Variants in MPRIP observed in about 807,000 individuals in gnomAD.
The protein encoded by MPRIP is myosin phosphatase Rho-interacting protein.
MPRIP carries 59 observed loss-of-function variants against 234.9 expected under a neutral mutation model. The ratio of observed to expected loss-of-function variants is 0.25; its 90% CI spans 0.20 to 0.31. The LOEUF (loss-of-function observed/expected upper bound fraction) is 0.31. MPRIP is among the 10% of genes least tolerant of loss of function. The pLI is 1.00. For synonymous variants in MPRIP, 1,144 were observed against 1,263.9 expected (o/e 0.91, Z 2.01); for missense variants, 2,436 against 3,071.0 (o/e 0.79, Z 4.89).
intron 13 of MPRIP, among the ~76,000 whole-genome samples, chr17:17,157,103 G>A (rs894496315): frequency 1.3e-5 from 2 of 152,220 alleles, no homozygotes; most frequent in Non-Finnish European, 2.9e-5. Context: ...CCAGCTGGCA[G>A]TCTGTGGGGC....
rs757269855 is a variant in MPRIP, at chr17:17,180,169, C to T, written c.7206+81C>T. 21 of 1,156,870 alleles carry T rather than the reference C, an allele frequency of 1.8e-5. No homozygotes were observed. The Admixed American group carries it at 4.0e-4, about 22-fold the overall frequency. The allele number at this position is 1,156,870 out of a possible 1,614,324, so 71.7% of individuals were successfully genotyped here. On this transcript the variant is annotated intron_variant, in intron 23 of 23. Coordinates refer to ENST00000651222, the MANE Select transcript of MPRIP (RefSeq NM_001364716.4). Reference sequence around the variant, plus strand: ...TAGCCCAAATTGAAGTATGAGTGCTCCCATGGGCCACAGCTGCCAAAGCCC... The same window carrying T: ...TAGCCCAAATTGAAGTATGAGTGCTTCCATGGGCCACAGCTGCCAAAGCCC...
At chr17:17,146,151 T>C in intron 10 of MPRIP, 59 bp downstream of exon 10, 1 of 1,506,092 alleles carries the variant, frequency 6.6e-7, no homozygotes, top group South Asian at 1.1e-5. Context: ...GAGGGTGAGC[T>C]GTCCTTGTCC....
chr17:17,084,546 C>G (rs1479568210), intron 3 of MPRIP, among the ~76,000 whole-genome samples: 1 of 152,228 alleles, frequency 6.6e-6, no homozygotes, highest in Non-Finnish European at 1.5e-5. Flanking sequence ...AGTGACAGAC[C>G]TTGATGTGTA....
rs1314920445 is a variant in MPRIP, at chr17:17,074,770, C to T, written c.124-940C>T. On this transcript the variant is annotated intron_variant, in intron 1 of 23. Coordinates refer to ENST00000651222, the MANE Select transcript of MPRIP (RefSeq NM_001364716.4). ...TTTGTGCCTGGCTTCTTTGACTTAG[C>T]ATCATGTTTTCGGGGTTCCTCGGTG... 2.6e-5 allele frequency among the ~76,000 whole-genome samples: 4 copies of T among 152,142 alleles called. 1 individual carries two copies. The highest frequency in any genetic ancestry group is 2.0e-4 in the Admixed American group (3 of 15,276).
intron 17 of MPRIP, 88 bp from the exon 18 acceptor site, chr17:17,172,610 C>T: frequency 2.1e-6 from 2 of 974,786 alleles, no homozygotes; most frequent in East Asian, 2.4e-5. Flanking sequence ...TGGCAGGCGC[C>T]ATCCCATTGT....
chr17:17,106,746 A>T (rs1422774365), intron 3 of MPRIP, among the ~76,000 whole-genome samples: 1 of 152,256 alleles, frequency 6.6e-6, no homozygotes, highest in African/African-American at 2.4e-5. Flanking sequence ...CCACTATGCC[A>T]TCATAACTGA....
At position 17,186,726 on chromosome 17, in the gene MPRIP, G is replaced by GATAT. The variant is rs2144738171; in HGVS notation, c.*1834_*1837dup. On this transcript the variant is annotated 3_prime_UTR_variant, in exon 24 of 24. Coordinates refer to ENST00000651222, the MANE Select transcript of MPRIP (RefSeq NM_001364716.4). Reference sequence around the variant, plus strand: ...AAAGCAAGGCCCCATATCAGATATAGATATACTTATCAGACCCCCCCTGAC... The same window carrying GATAT: ...AAAGCAAGGCCCCATATCAGATATAGATATATATACTTATCAGACCCCCCCTGAC... 6.6e-6 allele frequency: 1 copy of GATAT among 152,332 alleles called. No homozygotes were observed. The highest frequency in any genetic ancestry group is 1.9e-4 in the East Asian group (1 of 5,190). The allele number at this position is 152,332 out of a possible 1,614,324, so 9.4% of individuals were successfully genotyped here.
intron 13 of MPRIP, 23 bp from the exon 14 acceptor site, chr17:17,158,409 A>G (rs1190490426): frequency 5.2e-6 from 8 of 1,529,504 alleles, no homozygotes; most frequent in African/African-American, 4.2e-5. Context: ...CTGACAGGCT[A>G]TGTCCATCCT....
intron 1 of MPRIP, among the ~76,000 whole-genome samples, chr17:17,043,249 C>A (rs2088237026): frequency 6.6e-6 from 1 of 152,134 alleles, no homozygotes; most frequent in African/African-American, 2.4e-5. Flanking sequence ...TTAGTAGGAA[C>A]AAAGCGCTTA....
intron 12 of MPRIP, among the ~76,000 whole-genome samples, chr17:17,151,454 A>G (rs559272353): frequency 2.6e-5 from 4 of 152,156 alleles, no homozygotes; most frequent in Non-Finnish European, 4.4e-5. Context: ...CCGGAAGCCC[A>G]CCTGAGCCCC....
intron 3 of MPRIP, among the ~76,000 whole-genome samples, chr17:17,099,542 A>G (rs117759512): frequency 9.2e-5 from 14 of 152,226 alleles, no homozygotes; most frequent in Non-Finnish European, 2.1e-4. Context: ...CCTGGGCAAC[A>G]TAGCAAGACC....
intron 15 of MPRIP, 83 bp from the exon 16 acceptor site, chr17:17,164,026 G>A (rs1243368287): frequency 1.4e-5 from 13 of 961,092 alleles, no homozygotes; most frequent in Non-Finnish European, 1.7e-5. Context: ...GGAGCTTTCT[G>A]TGGTTGTTCC....
intron 22 of MPRIP, 72 bp downstream of exon 22, chr17:17,177,484 G>T: frequency 6.6e-7 from 1 of 1,517,258 alleles, no homozygotes; most frequent in South Asian, 1.2e-5. Context: ...GAGGTTTCCC[G>T]GTGCTTGACT....
intron 3 of MPRIP, among the ~76,000 whole-genome samples, chr17:17,081,635 G>C (rs1218475011): frequency 2.6e-5 from 4 of 152,210 alleles, no homozygotes; most frequent in African/African-American, 9.7e-5. Flanking sequence ...GAGGGAGGAA[G>C]GCAGCAGCAG....
chr17:17,164,363 G>A lies in MPRIP; in HGVS notation c.2772G>A (p.Lys924=), dbSNP rs905801998. The A allele has an allele frequency of 1.5e-6, 2 of 1,298,364 alleles. No individual in the cohort carries two copies. The highest frequency in any genetic ancestry group is 4.6e-5 in the Admixed American group (2 of 43,524). 80.4% of individuals were successfully genotyped at this position (1,298,364 alleles called of 1,614,324 possible). A position where few individuals can be genotyped will look rare whatever the true frequency, so the allele number is the denominator to read the frequency against. The change falls in exon 16 of 24, where the codon AAG becomes AAA. Residue 924 remains lysine (K), a synonymous_variant. Coordinates refer to ENST00000651222, the MANE Select transcript of MPRIP (RefSeq NM_001364716.4). ...AGGAGCAGGCGCTGGCCAAGCTCAA[G>A]GGCGACCTGAAGCGGGAGCAGGGCC... ...AIKEQALAKL[K]GDLKREQGRV... is the part of the protein sequence containing the mutation.
At chr17:17,062,587 G>A (rs943401796) in intron 1 of MPRIP, among the ~76,000 whole-genome samples, 2 of 152,210 alleles carry the variant, frequency 1.3e-5, no homozygotes, top group African/African-American at 4.8e-5. Context: ...CACTTCCAGG[G>A]GGTGCCGTTC....
chr17:17,067,378 C>G (rs2089063960), intron 1 of MPRIP, among the ~76,000 whole-genome samples: 1 of 152,218 alleles, frequency 6.6e-6, no homozygotes, highest in Admixed American at 6.5e-5. Flanking sequence ...AACACCACCA[C>G]AGTCCATCTG....
chr17:17,123,919 CACAG>C (rs1567730683), intron 3 of MPRIP, among the ~76,000 whole-genome samples: 1 of 152,068 alleles, frequency 6.6e-6, no homozygotes, highest in Non-Finnish European at 1.5e-5. Context: ...ATGCCCGCCT[CACAG>C]TAAGTAATAT....
chr17:17,164,104 T>C lies in MPRIP; in HGVS notation c.2518-5T>C. On this transcript the variant is annotated splice_region_variant and splice_polypyrimidine_tract_variant and intron_variant, in intron 15 of 23. Coordinates refer to ENST00000651222, the MANE Select transcript of MPRIP (RefSeq NM_001364716.4). The stretch of plus-strand genomic sequence containing the variant: ...ACTAACCAGTATTTAATCGGTTTTT[T>C]TAAGACTGAAGTGGCCGCCTCCCCA... 7.7e-7 allele frequency: 1 copy of C among 1,304,014 alleles called. No individual in the cohort carries two copies. Among genetic ancestry groups the C allele is most frequent in the South Asian group, 1.2e-5 (1 of 81,032 alleles). 80.8% of individuals were successfully genotyped at this position (1,304,014 alleles called of 1,614,324 possible).
Sources: allele counts gnomAD v4.1 joint callset (sites outside exome capture counted in the v4.1 genomes callset), GRCh38; gene constraint gnomAD v4.1.1; transcripts MANE v1.5; gene names NCBI Gene and HGNC (gene_info 2026-07-23, HGNC 2026-07-21).